EIF3H: variants seen among roughly 807,000 people sequenced by gnomAD.
The protein encoded by EIF3H is eukaryotic translation initiation factor 3 subunit H, also known as eIF-3-gamma.
A neutral mutation model predicts 44.2 loss-of-function variants in EIF3H; 26 were observed. That is an observed-to-expected ratio of 0.59 (90% confidence interval 0.43 to 0.82). The LOEUF (loss-of-function observed/expected upper bound fraction) is 0.82, where lower values mean the gene tolerates loss of function less well. EIF3H is among the 40% of genes least tolerant of loss of function. The pLI is 0.00. For synonymous variants in EIF3H, 166 were observed against 151.9 expected (o/e 1.09, Z -0.68); for missense variants, 359 against 432.8 (o/e 0.83, Z 1.51).
In EIF3H at chr8:116,643,485, A is replaced by G. The variant is rs1813253879; in HGVS notation, c.*1521T>C. ...CCAACATCCTGGAAGGGGTGCCTAG[A>G]ATGCCTCCCTCATCATAAATACAGG... On this transcript the variant is annotated 3_prime_UTR_variant, in exon 8 of 8. Transcript: ENST00000521861. The G allele has an allele frequency of 1.3e-5, 2 of 152,202 alleles. No individual in the cohort carries two copies. Among genetic ancestry groups the G allele is most frequent in the African/African-American group, 4.8e-5 (2 of 41,444 alleles). 9.4% of individuals were successfully genotyped at this position (152,202 alleles called of 1,614,324 possible).
At chr8:116,763,447 C>T (rs1397840014) in intron 1 of EIF3H, among the ~76,000 whole-genome samples, 2 of 152,130 alleles carry the variant, frequency 1.3e-5, no homozygotes, top group Admixed American at 1.3e-4. Flanking sequence ...ATTTGAAATA[C>T]ATAAAGTTTT....
rs1210331073 is a variant in EIF3H, at chr8:116,657,507, T to C, written c.458-193A>G. ...TAGCACTTGAAAATGCAGGAATACC[T>C]CTATCCTACTTACAATAGAGTAATT... On this transcript the variant is annotated intron_variant, in intron 3 of 7. Transcript: ENST00000521861. 8.6e-6 allele frequency: 5 copies of C among 580,778 alleles called. No individual in the cohort carries two copies. The Admixed American group carries it at 1.6e-4, about 18-fold the overall frequency. The allele number at this position is 580,778 out of a possible 1,614,324, so 36.0% of individuals were successfully genotyped here. A position where few individuals can be genotyped will look rare whatever the true frequency, so the allele number is the denominator to read the frequency against.
At chr8:116,755,909 A>C (rs1465374131), upstream of EIF3H, 1 of 1,550,230 alleles carries the variant, frequency 6.5e-7, no homozygotes, top group South Asian at 1.2e-5. Flanking sequence ...CGGAAGGAGA[A>C]GCCAAAATTG....
At chr8:116,748,791 T>A (rs1291405165) in intron 1 of EIF3H, among the ~76,000 whole-genome samples, 1 of 152,240 alleles carries the variant, frequency 6.6e-6, no homozygotes, top group African/African-American at 2.4e-5. Context: ...TAAAATGGTG[T>A]AGCATTAGTT....
chr8:116,706,549 T>C (rs1814472901), intron 2 of EIF3H, among the ~76,000 whole-genome samples: 1 of 152,222 alleles, frequency 6.6e-6, no homozygotes, highest in Non-Finnish European at 1.5e-5. Flanking sequence ...ATTTTATTTA[T>C]TTAGAGACTG....
intron 6 of EIF3H, among the ~76,000 whole-genome samples, chr8:116,647,848 T>A (rs1447924896): frequency 6.6e-6 from 1 of 152,082 alleles, no homozygotes; most frequent in Non-Finnish European, 1.5e-5. Context: ...AAAACCAGCA[T>A]GAAAATGAAA....
intron 2 of EIF3H, among the ~76,000 whole-genome samples, chr8:116,665,058 A>C (rs1381434341): frequency 6.6e-6 from 1 of 152,220 alleles, no homozygotes; most frequent in East Asian, 1.9e-4. Flanking sequence ...TGTTTACCAC[A>C]GCTATTACTT....
rs1815002285 is a variant in EIF3H, at chr8:116,734,562, TTG to T, written c.133-8392_133-8391del. On this transcript the variant is annotated intron_variant, in intron 1 of 7. Transcript: ENST00000521861. ...AATAACCCCACCTACTGGCAGAAAG[TTG>T]TTTGTTTTTGAGACAGGATCTCGCT... Among the ~76,000 whole-genome samples the T allele has an allele frequency of 2.6e-5, 4 of 152,102 alleles. No individual in the cohort carries two copies. In the East Asian group the frequency reaches 7.7e-4, roughly 29 times the overall value.
chr8:116,709,546 A>G (rs1303471106), intron 2 of EIF3H, among the ~76,000 whole-genome samples: 1 of 152,228 alleles, frequency 6.6e-6, no homozygotes, highest in African/African-American at 2.4e-5. Flanking sequence ...TAAGAGATGT[A>G]TCCACTGACA....
chr8:116,657,254 A>G lies in EIF3H; in HGVS notation c.518T>C (p.Leu173Pro). 1.9e-6 allele frequency: 3 copies of G among 1,613,756 alleles called. No homozygotes were observed. Among genetic ancestry groups the G allele is most frequent in the Non-Finnish European group, 2.5e-6 (3 of 1,179,744 alleles). ...SLKAYRLTPK[L>P]MEVCKEKDFS... is the part of the protein sequence containing the mutation. Reference sequence around the variant, plus strand: ...ATCCTTTTCTTTACAAACTTCCATCAGTTTAGGAGTCAGTCTGTATGCCTT... The same window carrying G: ...ATCCTTTTCTTTACAAACTTCCATCGGTTTAGGAGTCAGTCTGTATGCCTT... Residue 173 changes from leucine to proline, a missense_variant, in exon 4 of 8, where the codon CTG (leucine) becomes CCG (proline). This residue lies in a region of EIF3H where 85 missense variants were observed against 79.2 expected (regional missense o/e 1.07). Coordinates refer to ENST00000521861, the MANE Select transcript of EIF3H (RefSeq NM_003756.3).
chr8:116,714,413 A>G (rs1814625779), intron 2 of EIF3H, among the ~76,000 whole-genome samples: 1 of 152,022 alleles, frequency 6.6e-6, no homozygotes, highest in African/African-American at 2.4e-5. Flanking sequence ...TTTTTTATGT[A>G]CACACTTGTC....
intron 2 of EIF3H, among the ~76,000 whole-genome samples, chr8:116,661,661 C>T (rs2130799535): frequency 6.6e-6 from 1 of 152,286 alleles, no homozygotes; most frequent in African/African-American, 2.4e-5. Context: ...AATAAAAATA[C>T]ATTCCTCTGA....
At chr8:116,697,204 G>C in intron 2 of EIF3H, 1 of 456,084 alleles carries the variant, frequency 2.2e-6, no homozygotes, top group South Asian at 1.5e-5. Flanking sequence ...CTTTTTCCAG[G>C]GGTTGACAGA....
intron 2 of EIF3H, among the ~76,000 whole-genome samples, chr8:116,687,313 C>G (rs1814093632): frequency 6.6e-6 from 1 of 152,062 alleles, no homozygotes; most frequent in Admixed American, 6.6e-5. Flanking sequence ...AGATACAGTA[C>G]TAAAGGAATA....
At chr8:116,661,146 A>C (rs1813580554) in intron 2 of EIF3H, among the ~76,000 whole-genome samples, 1 of 152,134 alleles carries the variant, frequency 6.6e-6, no homozygotes, top group South Asian at 2.1e-4. Flanking sequence ...TTTTAAATCA[A>C]AGTAAAATCA....
intron 5 of EIF3H, among the ~76,000 whole-genome samples, chr8:116,655,402 C>A (rs1407980125): frequency 6.6e-6 from 1 of 151,878 alleles, no homozygotes; most frequent in African/African-American, 2.4e-5. Flanking sequence ...TGTAATTTTA[C>A]AACTGCAAGA....
At chr8:116,703,542 A>T (rs1323272966) in intron 2 of EIF3H, among the ~76,000 whole-genome samples, 1 of 152,246 alleles carries the variant, frequency 6.6e-6, no homozygotes, top group Non-Finnish European at 1.5e-5. Context: ...CCTTCTGGAT[A>T]GCAGTAGCAG....
At chr8:116,704,292 A>T (rs1055631179) in intron 2 of EIF3H, among the ~76,000 whole-genome samples, 2 of 152,230 alleles carry the variant, frequency 1.3e-5, no homozygotes, top group Admixed American at 1.3e-4. Flanking sequence ...AGCCATATGG[A>T]TTCAATGCAT....
intron 2 of EIF3H, among the ~76,000 whole-genome samples, chr8:116,720,545 A>G (rs1266414819): frequency 6.6e-6 from 1 of 152,198 alleles, no homozygotes; most frequent in African/African-American, 2.4e-5. Context: ...ATTGGTACCA[A>G]GAGTTGGGTG....
Sources: allele counts gnomAD v4.1 joint callset (sites outside exome capture counted in the v4.1 genomes callset), GRCh38; gene constraint gnomAD v4.1.1; regional missense constraint gnomAD v4.1.1; transcripts MANE v1.5; gene names NCBI Gene and HGNC (gene_info 2026-07-23, HGNC 2026-07-21).